The following PRKG1 variants were observed in gnomAD, a reference collection of about 807,000 sequenced individuals.
PRKG1 encodes the protein protein kinase cGMP-dependent 1, also known as cGMP-dependent protein kinase 1.
PRKG1 carries 35 observed loss-of-function variants against 88.1 expected under a neutral mutation model. The ratio of observed to expected loss-of-function variants is 0.40; its 90% CI spans 0.30 to 0.53. PRKG1 has a LOEUF of 0.53. Among genes scored for constraint, PRKG1 ranks in the 20% least tolerant of loss-of-function variants. The pLI, the probability that PRKG1 is intolerant of heterozygous loss-of-function variation, is 0.59. For missense variants in PRKG1, 540 were observed against 839.8 expected (o/e 0.64, Z 4.41); for synonymous variants, 303 against 292.5 (o/e 1.04, Z -0.37).
At chr10:51,115,889 A>T (rs1439083919) in intron 1 of PRKG1, among the ~76,000 whole-genome samples, 6 of 151,816 alleles carry the variant, frequency 4.0e-5, no homozygotes, top group Non-Finnish European at 7.4e-5. Flanking sequence ...CCTTTTTAAG[A>T]ATTGTCATAG....
chr10:51,392,988 A>C (rs369621791), intron 2 of PRKG1, among the ~76,000 whole-genome samples: 24 of 146,190 alleles, frequency 1.6e-4, no homozygotes, highest in Admixed American at 1.4e-3. Context: ...CGGACAGGGT[A>C]GCTGCCGGGC....
chr10:51,928,860 T>C (rs1295383020), intron 5 of PRKG1, among the ~76,000 whole-genome samples: 1 of 152,180 alleles, frequency 6.6e-6, no homozygotes, highest in Admixed American at 6.6e-5. Context: ...CAATTATATA[T>C]AGTAGTCTAA....
chr10:51,342,292 C>T (rs1368848592), intron 2 of PRKG1, among the ~76,000 whole-genome samples: 1 of 152,098 alleles, frequency 6.6e-6, no homozygotes, highest in Non-Finnish European at 1.5e-5. Flanking sequence ...ACCTTCCTTA[C>T]AAGGGGATTC....
chr10:51,504,356 C>T (rs1039078113), intron 3 of PRKG1, among the ~76,000 whole-genome samples: 1 of 152,102 alleles, frequency 6.6e-6, no homozygotes, highest in Non-Finnish European at 1.5e-5. Flanking sequence ...CAGTACCATG[C>T]TATTTTGGTT....
chr10:51,337,736 A>G (rs1299775871), intron 2 of PRKG1, among the ~76,000 whole-genome samples: 1 of 152,216 alleles, frequency 6.6e-6, no homozygotes, highest in African/African-American at 2.4e-5. Context: ...TGATTATTAA[A>G]AAGTCAAGAA....
intron 2 of PRKG1, among the ~76,000 whole-genome samples, chr10:51,257,430 A>C (rs982495476): frequency 6.6e-6 from 1 of 152,194 alleles, no homozygotes; most frequent in Non-Finnish European, 1.5e-5. Context: ...ATGAAAACAA[A>C]ATTTTTAACC....
chr10:51,196,852 T>C (rs1409307698), intron 2 of PRKG1, among the ~76,000 whole-genome samples: 1 of 152,210 alleles, frequency 6.6e-6, no homozygotes, highest in Non-Finnish European at 1.5e-5. Flanking sequence ...ATATAAAATT[T>C]GTTTTATCCT....
intron 1 of PRKG1, among the ~76,000 whole-genome samples, chr10:50,993,379 G>C (rs1842801636): frequency 6.6e-6 from 1 of 152,196 alleles, no homozygotes; most frequent in Non-Finnish European, 1.5e-5. Context: ...TGCCTTGAAA[G>C]TCCCTGTTGG....
chr10:51,555,980 A>G (rs904973753), intron 3 of PRKG1, among the ~76,000 whole-genome samples: 1 of 151,932 alleles, frequency 6.6e-6, no homozygotes, highest in Non-Finnish European at 1.5e-5. Flanking sequence ...GGGAGAAAAG[A>G]AAGGGGGAAC....
chr10:51,766,323 G>A (rs1470742193), intron 3 of PRKG1, among the ~76,000 whole-genome samples: 1 of 152,114 alleles, frequency 6.6e-6, no homozygotes, highest in Non-Finnish European at 1.5e-5. Flanking sequence ...TGCGCATGCA[G>A]GCCCTTAGCT....
At chr10:51,923,470 ATATT>A (rs1291635423) in intron 5 of PRKG1, among the ~76,000 whole-genome samples, 1 of 150,498 alleles carries the variant, frequency 6.6e-6, no homozygotes, top group Non-Finnish European at 1.5e-5. Context: ...ATTTTACTAT[ATATT>A]ATATACATTT....
rs1269907897 is a variant in PRKG1, at chr10:52,268,534, C to T, written c.1174-2816C>T. 2.6e-5 allele frequency among the ~76,000 whole-genome samples: 4 copies of T among 151,992 alleles called. No individual in the cohort carries two copies. In the East Asian group the frequency reaches 7.8e-4, roughly 30 times the overall value. Reference sequence around the variant, plus strand: ...AATCACATGCCTAGCATAAGTTAAGCTTAAAGGTAATAGAAATATTGTTCA... The same window carrying T: ...AATCACATGCCTAGCATAAGTTAAGTTTAAAGGTAATAGAAATATTGTTCA... On this transcript the variant is annotated intron_variant, in intron 10 of 17. Transcript: ENST00000373980.
chr10:51,290,823 G>C (rs1240101139), intron 2 of PRKG1, among the ~76,000 whole-genome samples: 1 of 152,056 alleles, frequency 6.6e-6, no homozygotes, highest in Non-Finnish European at 1.5e-5. Context: ...TATAGGGTGT[G>C]TTTCAACTGT....
chr10:52,217,528 G>A (rs1425692365), intron 9 of PRKG1, among the ~76,000 whole-genome samples: 1 of 151,798 alleles, frequency 6.6e-6, no homozygotes, highest in Non-Finnish European at 1.5e-5. Context: ...TCTTCAAATG[G>A]TACATAGAGA....
intron 2 of PRKG1, among the ~76,000 whole-genome samples, chr10:51,251,288 C>G (rs915033939): frequency 6.6e-6 from 1 of 151,826 alleles, no homozygotes; most frequent in Middle Eastern, 3.4e-3. Flanking sequence ...AGAATCAAGT[C>G]TTGGCAGGAA....
chr10:51,556,523 A>G (rs998263270), intron 3 of PRKG1, among the ~76,000 whole-genome samples: 2 of 152,008 alleles, frequency 1.3e-5, no homozygotes, highest in Non-Finnish European at 2.9e-5. Context: ...AAAATGTCTT[A>G]TATATACATC....
At chr10:51,332,060 T>A (rs142891838) in intron 2 of PRKG1, among the ~76,000 whole-genome samples, 18 of 152,302 alleles carry the variant, frequency 1.2e-4, no homozygotes, top group African/African-American at 2.2e-4. Context: ...GAAATCTTAA[T>A]GAAGGGAAAG....
chr10:52,244,290 A>G (rs1840946380), intron 9 of PRKG1, among the ~76,000 whole-genome samples: 1 of 152,066 alleles, frequency 6.6e-6, no homozygotes, highest in East Asian at 1.9e-4. Flanking sequence ...AACTCCCCAT[A>G]CAAAGAAACG....
chr10:52,171,423 A>G (rs1838672117), intron 9 of PRKG1, among the ~76,000 whole-genome samples: 1 of 152,232 alleles, frequency 6.6e-6, no homozygotes, highest in South Asian at 2.1e-4. Context: ...GTGAGTGGTC[A>G]GAAGGCAGCC....
Sources: allele counts gnomAD v4.1 joint callset (sites outside exome capture counted in the v4.1 genomes callset), GRCh38; gene constraint gnomAD v4.1.1; transcripts MANE v1.5; gene names NCBI Gene and HGNC (gene_info 2026-07-23, HGNC 2026-07-21).